The following RALGAPA1 variants were observed in gnomAD, a reference collection of about 807,000 sequenced individuals.
RALGAPA1 encodes the protein Ral GTPase activating protein catalytic subunit alpha 1.
A neutral mutation model predicts 269.6 loss-of-function variants in RALGAPA1; 52 were observed. That is an observed-to-expected ratio of 0.19 (90% CI 0.15 to 0.24). The LOEUF is 0.24. Among genes scored for constraint, RALGAPA1 ranks in the 10% least tolerant of loss-of-function variants. RALGAPA1 has a pLI of 1.00. For missense variants in RALGAPA1, 1,917 were observed against 3,013.9 expected (o/e 0.64, Z 8.52); for synonymous variants, 817 against 1,008.3 (o/e 0.81, Z 3.60).
At chr14:35,711,678 C>T (rs1258121118) in intron 16 of RALGAPA1, among the ~76,000 whole-genome samples, 13 of 152,076 alleles carry the variant, frequency 8.5e-5, no homozygotes, top group Non-Finnish European at 1.8e-4. Flanking sequence ...TTGAACTAGG[C>T]TCAAGCAACT....
intron 1 of RALGAPA1, among the ~76,000 whole-genome samples, chr14:35,794,542 C>T (rs1326305480): frequency 6.6e-6 from 1 of 152,052 alleles, no homozygotes; most frequent in African/African-American, 2.4e-5. Flanking sequence ...CTGCAAGCTC[C>T]GCCTCCTGGG....
chr14:35,775,600 A>G, intron 2 of RALGAPA1, 35 bp downstream of exon 2: 1 of 1,545,170 alleles, frequency 6.5e-7, no homozygotes, highest in Non-Finnish European at 8.6e-7. Flanking sequence ...TATTAGAAAT[A>G]TTAACATACG....
rs113664459 is a variant in RALGAPA1 at position 35,655,493 on chromosome 14, T to A, written c.5496+314A>T. On this transcript the variant is annotated intron_variant, in intron 29 of 41. Transcript: ENST00000680220. ...AAAGAACAGTAAGTTACAAAAATAC[T>A]AGTTAAAAAAAAACCAGAAAAACCC... is the stretch of plus-strand genomic sequence containing the variant. Among the ~76,000 whole-genome samples, 68 of 152,096 alleles carry A rather than the reference T, an allele frequency of 4.5e-4. 1 individual carries two copies. Among genetic ancestry groups the A allele is most frequent in the African/African-American group, 1.4e-3 (59 of 41,538 alleles).
At chr14:35,679,121 A>G (rs1450717906) in intron 21 of RALGAPA1, among the ~76,000 whole-genome samples, 2 of 152,362 alleles carry the variant, frequency 1.3e-5, no homozygotes, top group East Asian at 3.9e-4. Flanking sequence ...TAAATAAAGT[A>G]TAGCACAAAT....
At chr14:35,769,140 A>G (rs921859124) in intron 4 of RALGAPA1, among the ~76,000 whole-genome samples, 1 of 149,442 alleles carries the variant, frequency 6.7e-6, no homozygotes, top group African/African-American at 2.5e-5. Flanking sequence ...AAGAAAATCA[A>G]TGATATCAAA....
chr14:35,701,470 C>T (rs1450419752), intron 16 of RALGAPA1, among the ~76,000 whole-genome samples: 1 of 152,090 alleles, frequency 6.6e-6, no homozygotes, highest in Non-Finnish European at 1.5e-5. Context: ...TAAGACTTTT[C>T]TTTTACTGTC....
intron 16 of RALGAPA1, among the ~76,000 whole-genome samples, chr14:35,715,442 T>C (rs2068730049): frequency 6.6e-6 from 1 of 152,192 alleles, no homozygotes; most frequent in Non-Finnish European, 1.5e-5. Flanking sequence ...ATTTCAAACA[T>C]GGTTATTTTA....
chr14:35,689,458 A>G lies in RALGAPA1; in HGVS notation c.2953T>C (p.Cys985Arg). The change falls in exon 18 of 42, where the codon TGC (cysteine) becomes CGC (arginine). Residue 985 changes from cysteine (C) to arginine (R), a missense_variant. By Grantham distance (180) the Cys-to-Arg change is radical. Around this residue, in one of 11 missense-constraint regions of RALGAPA1, gnomAD observed 615 missense variants for 790.0 expected, o/e 0.78. Coordinates refer to ENST00000680220, the MANE Select transcript of RALGAPA1 (RefSeq NM_001346249.2). ...TCTGATTCAGTTTCCTGATCTGTGC[A>G]TTCTAATTTATCTAAGGATAATCTT... ...GERLSLDKLE[C>R]TDQETESENI... The G allele has an allele frequency of 8.1e-7, 1 of 1,233,676 alleles. No individual in the cohort carries two copies. Among genetic ancestry groups the G allele is most frequent in the Non-Finnish European group, 1.0e-6 (1 of 989,096 alleles). The allele number at this position is 1,233,676 out of a possible 1,614,324, so 76.4% of individuals were successfully genotyped here. A position where few individuals can be genotyped will look rare whatever the true frequency, so the allele number is the denominator to read the frequency against.
chr14:35,677,752 A>C, intron 22 of RALGAPA1, 198 bp downstream of exon 22: 2 of 553,232 alleles, frequency 3.6e-6, no homozygotes, highest in Middle Eastern at 4.8e-4. Flanking sequence ...ATCAACTATA[A>C]TAAAATGAAT....
At chr14:35,767,799 G>T (rs886421395) in intron 4 of RALGAPA1, among the ~76,000 whole-genome samples, 2 of 152,084 alleles carry the variant, frequency 1.3e-5, no homozygotes, top group South Asian at 4.1e-4. Context: ...TTGAGACAGG[G>T]TATCATTTTT....
intron 8 of RALGAPA1, 137 bp downstream of exon 8, chr14:35,751,887 T>A (rs1034206245): frequency 1.3e-5 from 15 of 1,165,182 alleles, no homozygotes; most frequent in Non-Finnish European, 1.7e-5. Context: ...TCAGTATGAA[T>A]CTAGGTATCA....
chr14:35,615,867 CA>C (rs2060219273), intron 35 of RALGAPA1, among the ~76,000 whole-genome samples: 1 of 152,048 alleles, frequency 6.6e-6, no homozygotes, highest in Non-Finnish European at 1.5e-5. Flanking sequence ...TCTGGCCAGG[CA>C]TTATTACGGA....
At chr14:35,754,685 C>T (rs1487079235) in intron 7 of RALGAPA1, among the ~76,000 whole-genome samples, 3 of 152,150 alleles carry the variant, frequency 2.0e-5, no homozygotes, top group Admixed American at 6.6e-5. Context: ...ATATATACCC[C>T]TACTATTTGA....
chr14:35,729,585 T>G (rs2070280871), intron 12 of RALGAPA1, among the ~76,000 whole-genome samples: 2 of 152,148 alleles, frequency 1.3e-5, no homozygotes, highest in Admixed American at 6.5e-5. Context: ...GCTACGTTCC[T>G]GTCTAGGAGA....
intron 39 of RALGAPA1, among the ~76,000 whole-genome samples, chr14:35,567,303 T>C (rs1363339942): frequency 6.6e-6 from 1 of 152,074 alleles, no homozygotes; most frequent in Non-Finnish European, 1.5e-5. Context: ...CAACCAAACA[T>C]AAAAATCCAA....
chr14:35,665,928 G>A (rs2063892362), intron 26 of RALGAPA1, among the ~76,000 whole-genome samples: 2 of 152,104 alleles, frequency 1.3e-5, no homozygotes, highest in African/African-American at 4.8e-5. Context: ...AAGGAGGTGG[G>A]GGGCAGACGG....
intron 1 of RALGAPA1, among the ~76,000 whole-genome samples, chr14:35,790,117 G>C (rs2076051311): frequency 6.6e-6 from 1 of 151,150 alleles, no homozygotes; most frequent in South Asian, 2.1e-4. Flanking sequence ...GCCAGGCATG[G>C]TGGCATGCAC....
chr14:35,618,032 A>G (rs2060373786), intron 35 of RALGAPA1, among the ~76,000 whole-genome samples: 1 of 152,180 alleles, frequency 6.6e-6, no homozygotes, highest in Non-Finnish European at 1.5e-5. Context: ...AATTTTCCCA[A>G]GAGCTAAAAC....
At chr14:35,573,119 G>T (rs765320727) in intron 37 of RALGAPA1, among the ~76,000 whole-genome samples, 13 of 152,108 alleles carry the variant, frequency 8.5e-5, no homozygotes, top group Non-Finnish European at 1.3e-4. Flanking sequence ...TTTATTTCCA[G>T]GTTTTCTTTG....
Sources: gnomAD v4.1 joint callset for allele counts (sites outside exome capture counted in the v4.1 genomes callset) on GRCh38, gnomAD v4.1.1 for gene constraint, gnomAD v4.1.1 regional missense constraint, MANE v1.5 for transcripts, NCBI Gene and HGNC (gene_info 2026-07-23, HGNC 2026-07-21) for gene names.